IFT140: variants seen among roughly 807,000 people sequenced by gnomAD.
The protein encoded by IFT140 is intraflagellar transport protein 140 homolog.
In IFT140, 133 loss-of-function variants were observed where a neutral mutation model predicts 164.6. That is an observed-to-expected ratio of 0.81 (90% CI 0.70 to 0.93). The LOEUF (loss-of-function observed/expected upper bound fraction) is 0.93, where lower values mean the gene tolerates loss of function less well. IFT140 is among the 40% of genes least tolerant of loss of function. IFT140 has a pLI of 0.00. For synonymous variants in IFT140, 860 were observed against 817.3 expected (o/e 1.05, Z -0.89); for missense variants, 2,045 against 1,972.3 (o/e 1.04, Z -0.70).
At chr16:1,583,000 GGGT>G (rs2034657310) in intron 12 of IFT140, among the ~76,000 whole-genome samples, 1 of 152,226 alleles carries the variant, frequency 6.6e-6, no homozygotes, top group Non-Finnish European at 1.5e-5. Context: ...GGCTGGCCTT[GGGT>G]CAAGACACCA....
intron 4 of IFT140, among the ~76,000 whole-genome samples, chr16:1,597,505 T>G (rs1477173839): frequency 2.0e-5 from 3 of 152,168 alleles, no homozygotes; most frequent in Non-Finnish European, 1.5e-5. Flanking sequence ...TCTGGGCTGA[T>G]TCCACGGGTA....
intron 1 of IFT140, among the ~76,000 whole-genome samples, chr16:1,611,490 CAAAA>C (rs150781872): frequency 6.9e-5 from 6 of 86,814 alleles, no homozygotes; most frequent in Admixed American, 1.3e-4. Flanking sequence ...CAGAGCGAGT[CAAAA>C]AAAAAAAAAA....
chr16:1,594,386 A>G (rs918679405), intron 4 of IFT140, among the ~76,000 whole-genome samples: 2 of 151,786 alleles, frequency 1.3e-5, no homozygotes, highest in Non-Finnish European at 2.9e-5. Context: ...ACAGCTGGCT[A>G]ATTTTTGTAT....
In IFT140 at chr16:1,520,044, C is replaced by T. The variant is rs147025984; in HGVS notation, c.3877G>A (p.Glu1293Lys). The T allele has an allele frequency of 1.6e-5, 26 of 1,604,128 alleles. No individual in the cohort carries two copies. Among genetic ancestry groups the T allele is most frequent in the Non-Finnish European group, 2.1e-5 (25 of 1,174,588 alleles). ...TCGTAGTTCTGGTATTCATCAATCT[C>T]CACCTGTACAGATGAAACCCGTCAA... ...AGFYDACAQV[E>K]IDEYQNYDKA... is the part of the protein sequence containing the mutation. Residue 1293 changes from glutamate to lysine, a missense_variant, in exon 29 of 31, where the codon GAG (glutamate) becomes AAG (lysine). Coordinates refer to ENST00000426508, the MANE Select transcript of IFT140 (RefSeq NM_014714.4).
At chr16:1,534,615 G>A (rs2030874321) in intron 19 of IFT140, 1 of 1,595,518 alleles carries the variant, frequency 6.3e-7, no homozygotes, top group Admixed American at 1.7e-5. Flanking sequence ...GCACATGGGA[G>A]ATGTTAGGCG....
At chr16:1,558,631 C>A (rs1300735599) in intron 18 of IFT140, among the ~76,000 whole-genome samples, 1 of 152,200 alleles carries the variant, frequency 6.6e-6, no homozygotes, top group Non-Finnish European at 1.5e-5. Context: ...GAAATCGGTG[C>A]TCCCGAGGGA....
intron 19 of IFT140, among the ~76,000 whole-genome samples, chr16:1,547,268 G>T (rs1596341506): frequency 6.6e-6 from 1 of 152,316 alleles, no homozygotes; most frequent in East Asian, 1.9e-4. Flanking sequence ...GATGGCACTG[G>T]TCCGTCCCGA....
At chr16:1,534,498 G>T (rs754407361) in intron 19 of IFT140, 1 of 1,609,358 alleles carries the variant, frequency 6.2e-7, no homozygotes, top group Non-Finnish European at 8.5e-7. Context: ...TGACTGTGAG[G>T]CGCTGGGCTG....
chr16:1,564,236 T>G lies in IFT140; in HGVS notation c.1902-74A>C. The stretch of plus-strand genomic sequence containing the variant: ...CTACCAGTCTCCCTCCCACACACAT[T>G]CCCGAAGCCTCCAGGTGCTGTCCCA... On this transcript the variant is annotated intron_variant, in intron 16 of 30. Transcript: ENST00000426508. The surrounding 1 kb of genome is among the most constrained non-coding windows in gnomAD (Gnocchi z 5.5). 7.4e-7 allele frequency: 1 copy of G among 1,343,640 alleles called. No individual in the cohort carries two copies. The highest frequency in any genetic ancestry group is 1.0e-6 in the Non-Finnish European group (1 of 995,256). The allele number at this position is 1,343,640 out of a possible 1,614,324, so 83.2% of individuals were successfully genotyped here.
intron 19 of IFT140, among the ~76,000 whole-genome samples, chr16:1,540,245 G>C (rs1485045868): frequency 6.6e-6 from 1 of 152,252 alleles, no homozygotes; most frequent in African/African-American, 2.4e-5. Context: ...AGAGCTTTGA[G>C]GTTATTCTGT....
At chr16:1,556,393 C>T (rs2033084471) in intron 19 of IFT140, among the ~76,000 whole-genome samples, 1 of 152,272 alleles carries the variant, frequency 6.6e-6, no homozygotes, top group Admixed American at 6.5e-5. Flanking sequence ...CTGGCGCCTC[C>T]TCTGCCTGGG....
chr16:1,525,036 G>T, intron 22 of IFT140, 120 bp from the exon 23 acceptor site: 1 of 1,419,224 alleles, frequency 7.0e-7, no homozygotes, highest in East Asian at 2.4e-5. Flanking sequence ...AACAGGCTGG[G>T]CCAAGAGTGA....
At chr16:1,605,836 T>C (rs2036031556) in intron 3 of IFT140, among the ~76,000 whole-genome samples, 1 of 152,206 alleles carries the variant, frequency 6.6e-6, no homozygotes. Flanking sequence ...GTCCTATCCC[T>C]GGTCCTTGTG....
At chr16:1,593,614 A>C (rs2035303141) in intron 4 of IFT140, among the ~76,000 whole-genome samples, 1 of 152,138 alleles carries the variant, frequency 6.6e-6, no homozygotes, top group Non-Finnish European at 1.5e-5. Context: ...AAGGCCCTGG[A>C]CAGTGTGAGA....
intron 21 of IFT140, among the ~76,000 whole-genome samples, 195 bp from the exon 22 acceptor site, chr16:1,525,521 G>A (rs762795579): frequency 1.6e-4 from 25 of 152,096 alleles, no homozygotes; most frequent in Non-Finnish European, 2.9e-4. Context: ...GTGGGGGCCC[G>A]GGAGGCGGGT....
At chr16:1,567,638 G>A (rs1271737438) in intron 15 of IFT140, among the ~76,000 whole-genome samples, 2 of 152,220 alleles carry the variant, frequency 1.3e-5, no homozygotes, top group African/African-American at 4.8e-5. Context: ...TCTGGCCCAC[G>A]GCAGGAGATC....
At chr16:1,513,587 A>C (rs1596286295) in intron 30 of IFT140, among the ~76,000 whole-genome samples, 2 of 152,118 alleles carry the variant, frequency 1.3e-5, no homozygotes, top group East Asian at 1.9e-4. Context: ...CGACGGACAC[A>C]TGGAAAGGCA....
chr16:1,579,770 G>C (rs2034458373), intron 13 of IFT140, among the ~76,000 whole-genome samples: 1 of 152,150 alleles, frequency 6.6e-6, no homozygotes, highest in Admixed American at 6.5e-5. Context: ...TTCGAGATCA[G>C]CCTGGCCAAC....
At position 1,584,254 on chromosome 16, in the gene IFT140, C is replaced by T. The variant is rs776567773; in HGVS notation, c.1322G>A (p.Arg441His). 3.2e-5 allele frequency: 52 copies of T among 1,613,644 alleles called. No homozygotes were observed. The highest frequency in any genetic ancestry group is 1.7e-4 in the Middle Eastern group (1 of 6,056). ...CACTCCACTGATGTGCATGTCGGTGCGCAGGCTGTGTGCGACCCCCGTGGA... is the reference window on the plus strand; with the variant it reads ...CACTCCACTGATGTGCATGTCGGTGTGCAGGCTGTGTGCGACCCCCGTGGA... ...FLSTGVAHSL[R>H]TDMHISGVFA... Residue 441 changes from arginine (R) to histidine (H), a missense_variant, in exon 11 of 31, where the codon CGC becomes CAC. Transcript: ENST00000426508.
Sources: allele counts gnomAD v4.1 joint callset (sites outside exome capture counted in the v4.1 genomes callset), GRCh38; gene constraint gnomAD v4.1.1; non-coding constraint Gnocchi (gnomAD v3.1); transcripts MANE v1.5; gene names NCBI Gene and HGNC (gene_info 2026-07-23, HGNC 2026-07-21).